Variants in INTS1 observed in about 807,000 individuals in gnomAD.
The protein encoded by INTS1 is integrator complex subunit 1.
In INTS1, 137 loss-of-function variants were observed where a neutral mutation model predicts 241.6. The ratio of observed to expected loss-of-function variants is 0.57; its 90% CI spans 0.49 to 0.65. The LOEUF is 0.65. Ranked by LOEUF, INTS1 falls within the 30% of genes least tolerant of loss-of-function variation. INTS1 has a pLI of 0.00. For synonymous variants in INTS1, 1,692 were observed against 1,337.8 expected (o/e 1.26, Z -5.78); for missense variants, 3,073 against 3,032.2 (o/e 1.01, Z -0.32).
intron 27 of INTS1, 51 bp downstream of exon 27, chr7:1,482,495 C>A (rs1008944875): frequency 1.9e-6 from 3 of 1,542,494 alleles, no homozygotes; most frequent in Admixed American, 1.9e-5. Context: ...AGGCAAGGGG[C>A]CCGGGACCCC....
At chr7:1,488,147 G>A (rs534047650) in intron 18 of INTS1, among the ~76,000 whole-genome samples, 190 bp from the exon 19 acceptor site, 2 of 152,306 alleles carry the variant, frequency 1.3e-5, no homozygotes, top group Non-Finnish European at 2.9e-5. Flanking sequence ...CCGCAGCGCT[G>A]CCCAGAGGCG....
intron 35 of INTS1, among the ~76,000 whole-genome samples, chr7:1,477,264 T>C (rs1781767717): frequency 6.6e-6 from 1 of 152,130 alleles, no homozygotes; most frequent in African/African-American, 2.4e-5. Flanking sequence ...CCCTACATGA[T>C]CTACAGGGTT....
intron 2 of INTS1, 24 bp from the exon 3 acceptor site, chr7:1,503,215 C>A (rs368003519): frequency 6.6e-7 from 1 of 1,516,606 alleles, no homozygotes; most frequent in African/African-American, 1.4e-5. Flanking sequence ...AGAGAGAAAA[C>A]CGGGCACATT....
At chr7:1,503,253 A>C in intron 2 of INTS1, 62 bp from the exon 3 acceptor site, 2 of 1,466,766 alleles carry the variant, frequency 1.4e-6, no homozygotes, top group Non-Finnish European at 1.8e-6. Context: ...AAAAAGACTG[A>C]CTCTAACCTC....
At position 1,477,531 on chromosome 7, in the gene INTS1, G is replaced by A; in HGVS notation, c.4938+19C>T. ...TTACCCTGGGGTGGGTCCCCGTGCT[G>A]AAGCTGGGTGCCACCCACCTTCCTC... is the stretch of plus-strand genomic sequence containing the variant. On this transcript the variant is annotated intron_variant, in intron 35 of 47. Coordinates refer to ENST00000404767, the MANE Select transcript of INTS1 (RefSeq NM_001080453.3). 6.7e-7 allele frequency: 1 copy of A among 1,494,490 alleles called. No individual in the cohort carries two copies. Among genetic ancestry groups the A allele is most frequent in the Non-Finnish European group, 8.9e-7 (1 of 1,123,236 alleles). The allele number at this position is 1,494,490 out of a possible 1,614,324, so 92.6% of individuals were successfully genotyped here. A position where few individuals can be genotyped will look rare whatever the true frequency, so the allele number is the denominator to read the frequency against.
At position 1,494,884 on chromosome 7, in the gene INTS1, C is replaced by G. The variant is rs769884896; in HGVS notation, c.1842G>C (p.Lys614Asn). 6.4e-7 allele frequency: 1 copy of G among 1,561,692 alleles called. No homozygotes were observed. The highest frequency in any genetic ancestry group is 1.4e-5 in the African/African-American group (1 of 73,592). ...APKDYVHCLH[K>N]VLFTEQPETY... ...TCTCCGGCTGCTCTGTGAACAGCAC[C>G]TTGTGCAGGCTGGGCAGGCAGAGAA... The change falls in exon 14 of 48, where the codon AAG becomes AAC. Residue 614 changes from lysine to asparagine, a missense_variant. Transcript: ENST00000404767.
rs73275959 is a variant in INTS1, at chr7:1,484,099, G to A, written c.3333C>T (p.Ala1111=). 4.2e-3 allele frequency: 6,787 copies of A among 1,612,486 alleles called. 147 individuals carry two copies. The African/African-American group carries it at 0.053, about 13-fold the overall frequency. The change falls in exon 25 of 48, where the codon GCC becomes GCT. Residue 1111 remains alanine, a synonymous_variant. Coordinates refer to ENST00000404767, the MANE Select transcript of INTS1 (RefSeq NM_001080453.3). ...SHLFSKLSPS[A]ASDAVLSALL... Reference sequence around the variant, plus strand: ...GAGCGCTCAGCACGGCGTCCGACGCGGCACTCGGGGAGAGCTTCGAGAAGA... The same window carrying A: ...GAGCGCTCAGCACGGCGTCCGACGCAGCACTCGGGGAGAGCTTCGAGAAGA...
In INTS1 at chr7:1,485,216, T is replaced by G. The variant is rs1562500039; in HGVS notation, c.3157-14A>C. 2 of 1,598,680 alleles carry G rather than the reference T, an allele frequency of 1.3e-6. No homozygotes were observed. Among genetic ancestry groups the G allele is most frequent in the East Asian group, 2.2e-5 (1 of 44,824 alleles). ...CATGTGGATTGCCTGGAGGGGAGGG[T>G]GGTCTGAGCGGCAACAGGGCAGGGC... On this transcript the variant is annotated splice_polypyrimidine_tract_variant and intron_variant, in intron 23 of 47. Transcript: ENST00000404767.
Position 1,471,281 on chromosome 7 carries a change from C to T in INTS1, c.6256-57G>A, listed in dbSNP as rs938257339. 2.7e-6 allele frequency: 4 copies of T among 1,497,940 alleles called. No individual in the cohort carries two copies. The South Asian group carries it at 3.6e-5, about 14-fold the overall frequency. The allele number at this position is 1,497,940 out of a possible 1,614,324, so 92.8% of individuals were successfully genotyped here. On this transcript the variant is annotated intron_variant, in intron 45 of 47. Transcript: ENST00000404767. Reference sequence around the variant, plus strand: ...CAAGGGGTCCAGCCCCCATCAAGGCCCCTTCACCTCTTGGTCTCGTGATGG... The same window carrying T: ...CAAGGGGTCCAGCCCCCATCAAGGCTCCTTCACCTCTTGGTCTCGTGATGG...
Position 1,503,175 on chromosome 7 carries a change from T to C in INTS1, c.75A>G (p.Gly25=), listed in dbSNP as rs1783278478. The change falls in exon 3 of 48, where the codon GGA becomes GGG. Residue 25 remains glycine, a synonymous_variant. Transcript: ENST00000404767. The stretch of plus-strand genomic sequence containing the variant: ...CCTTTGAGCCCAGAGCAATGAAGTC[T>C]CCTGGGGGAGGGTGCCCTGCAGAGA... ...AAKPSGHPPP[G]DFIALGSKGQ... is the part of the protein sequence containing the mutation. 1.2e-5 allele frequency: 19 copies of C among 1,540,314 alleles called. No individual in the cohort carries two copies. The highest frequency in any genetic ancestry group is 1.7e-5 in the Non-Finnish European group (19 of 1,142,464).
intron 26 of INTS1, 184 bp downstream of exon 26, chr7:1,483,558 G>T: frequency 1.6e-6 from 1 of 640,438 alleles, no homozygotes; most frequent in Non-Finnish European, 2.9e-6. Context: ...CGTCCACCAA[G>T]TGCTCAGAGA....
At position 1,484,146 on chromosome 7, in the gene INTS1, G is replaced by T; in HGVS notation, c.3286C>A (p.Arg1096Ser). Residue 1096 changes from arginine to serine, a missense_variant, in exon 25 of 48, where the codon CGC becomes AGC. By Grantham distance (110) the Arg-to-Ser change is moderately radical. Transcript: ENST00000404767. ...AAGAGGTGGGACATGATGGTGGAGC[G>T]CTCCACGACCAGCCGGGCCACGTCC... Reference protein sequence around the residue: ...ALDVARLVVERSTIMSHLFSK... With the variant: ...ALDVARLVVESSTIMSHLFSK... The T allele has an allele frequency of 6.2e-7, 1 of 1,611,334 alleles. No individual in the cohort carries two copies.
At chr7:1,490,894 G>A (rs1782516581) in intron 16 of INTS1, among the ~76,000 whole-genome samples, 2 of 152,346 alleles carry the variant, frequency 1.3e-5, no homozygotes, top group South Asian at 2.1e-4. Context: ...TGAGTCGAGA[G>A]GTCAACCCTC....
chr7:1,489,555 C>A, intron 17 of INTS1, 36 bp downstream of exon 17: 1 of 1,533,550 alleles, frequency 6.5e-7, no homozygotes, highest in Non-Finnish European at 8.8e-7. Flanking sequence ...ACCAGCAGGG[C>A]CACGTGTGCG....
Position 1,494,591 on chromosome 7 carries a change from G to A in INTS1, c.1910+225C>T, listed in dbSNP as rs571309268. On this transcript the variant is annotated intron_variant, in intron 14 of 47. Coordinates refer to ENST00000404767, the MANE Select transcript of INTS1 (RefSeq NM_001080453.3). The stretch of plus-strand genomic sequence containing the variant: ...GGGGAGGCTGCGGCTGGGGCTTGGA[G>A]TCACGTGGACGCAGACGGCAGCTGA... 14 of 598,018 alleles carry A rather than the reference G, an allele frequency of 2.3e-5. No homozygotes were observed. In the African/African-American group the frequency reaches 2.4e-4, roughly 10 times the overall value. 37.0% of individuals were successfully genotyped at this position (598,018 alleles called of 1,614,324 possible). A position where few individuals can be genotyped will look rare whatever the true frequency, so the allele number is the denominator to read the frequency against.
intron 12 of INTS1, among the ~76,000 whole-genome samples, 199 bp from the exon 13 acceptor site, chr7:1,495,752 T>C (rs997841011): frequency 3.9e-5 from 6 of 152,096 alleles, no homozygotes; most frequent in African/African-American, 7.2e-5. Context: ...ACTGGAATCC[T>C]CCTGTTCCGA....
At chr7:1,496,324 C>T (rs1209431770) in intron 11 of INTS1, 60 bp from the exon 12 acceptor site, 2 of 708,848 alleles carry the variant, frequency 2.8e-6, no homozygotes, top group Admixed American at 2.5e-5. Flanking sequence ...CACTCCACAC[C>T]CACGTGGGCG....
intron 11 of INTS1, 31 bp from the exon 12 acceptor site, chr7:1,496,295 A>C (rs1426231121): frequency 6.4e-7 from 1 of 1,572,616 alleles, no homozygotes; most frequent in East Asian, 2.2e-5. Flanking sequence ...CTGTATCCAG[A>C]AGGGACACCC....
chr7:1,487,783 C>A lies in INTS1; in HGVS notation c.2493G>T (p.Ser831=). ...ACTGGGGGTCCAGGCTGGTGAGCTG[C>A]GACAGGAGGAGGCTGCTGCTCTCAG... The part of the protein sequence containing the change: ...TITESSSLLL[S]QLTSLDPQGP... The change falls in exon 19 of 48, where the codon TCG becomes TCT. Residue 831 remains serine (S), a synonymous_variant. Coordinates refer to ENST00000404767, the MANE Select transcript of INTS1 (RefSeq NM_001080453.3). 1 of 1,610,000 alleles carries A rather than the reference C, an allele frequency of 6.2e-7. No homozygotes were observed. Among genetic ancestry groups the A allele is most frequent in the Non-Finnish European group, 8.5e-7 (1 of 1,179,782 alleles).
Sources: gnomAD v4.1 joint callset for allele counts (sites outside exome capture counted in the v4.1 genomes callset) on GRCh38, gnomAD v4.1.1 for gene constraint, MANE v1.5 for transcripts, NCBI Gene and HGNC (gene_info 2026-07-23, HGNC 2026-07-21) for gene names.